GALNT13: variants seen among roughly 807,000 people sequenced by gnomAD.
The protein encoded by GALNT13 is UDP-GalNAc:polypeptide N-acetylgalactosaminyltransferase 13.
GALNT13 carries 28 observed loss-of-function variants against 64.2 expected under a neutral mutation model. The ratio of observed to expected loss-of-function variants is 0.44; its 90% CI spans 0.32 to 0.60. The LOEUF (loss-of-function observed/expected upper bound fraction) is 0.60, where lower values mean the gene tolerates loss of function less well. Among genes scored for constraint, GALNT13 ranks in the 20% least tolerant of loss-of-function variants. The probability of loss-of-function intolerance (pLI) is 0.05; values close to 1 mark genes in which losing one functional copy is unlikely to be tolerated. For missense variants in GALNT13, 577 were observed against 669.8 expected (o/e 0.86, Z 1.53); for synonymous variants, 214 against 224.6 (o/e 0.95, Z 0.42).
At position 154,450,491 on chromosome 2, in the gene GALNT13, G is replaced by A. The variant is rs1474983414; in HGVS notation, c.1611G>A (p.Gln537=). 1 of 1,612,634 alleles carries A rather than the reference G, an allele frequency of 6.2e-7. No homozygotes were observed. Among genetic ancestry groups the A allele is most frequent in the Non-Finnish European group, 8.5e-7 (1 of 1,179,160 alleles). The change falls in exon 13 of 13, where the codon CAG becomes CAA. Residue 537 remains glutamine, a synonymous_variant. Transcript: ENST00000392825. ...AAGACAAAATGGTGCCTACAATGCA[G>A]GACTGTAGTGGAAGCAGATCCCAAC... The part of the protein sequence containing the change: ...SEEDKMVPTM[Q]DCSGSRSQQW...
the GALNT13 span, among the ~76,000 whole-genome samples, chr2:153,721,395 T>A: frequency 2.2e-5 from 3 of 135,032 alleles, no homozygotes; most frequent in East Asian, 2.1e-4. Flanking sequence ...AGGAAGAAAC[T>A]GCATCAACTA....
At chr2:153,694,274 CG>C in the GALNT13 span, among the ~76,000 whole-genome samples, 1 of 151,996 alleles carries the variant, frequency 6.6e-6, no homozygotes, top group Non-Finnish European at 1.5e-5. Context: ...ACAAGGAGGC[CG>C]TATGCATAGG....
At chr2:153,102,212 CTCTG>C in the GALNT13 span, among the ~76,000 whole-genome samples, 13 of 152,214 alleles carry the variant, frequency 8.5e-5, no homozygotes. Flanking sequence ...ATCTCCCTCT[CTCTG>C]TCTTTGTCTC....
At chr2:153,929,798 G>T (rs913512832) in intron 2 of GALNT13, among the ~76,000 whole-genome samples, 1 of 152,102 alleles carries the variant, frequency 6.6e-6, no homozygotes, top group Non-Finnish European at 1.5e-5. Context: ...GAGTAGTGCT[G>T]CAATGAACAT....
the GALNT13 span, among the ~76,000 whole-genome samples, chr2:153,525,972 G>T: frequency 6.6e-6 from 1 of 152,230 alleles, no homozygotes. Context: ...TCTGCCTTTA[G>T]AAAAGGGAGG....
the GALNT13 span, among the ~76,000 whole-genome samples, chr2:153,183,249 A>C: frequency 6.6e-6 from 1 of 152,110 alleles, no homozygotes; most frequent in Admixed American, 6.5e-5. Flanking sequence ...CTTTTTTGTC[A>C]TATGTTTGTT....
intron 3 of GALNT13, among the ~76,000 whole-genome samples, chr2:154,012,005 T>G (rs1213336277): frequency 6.6e-6 from 1 of 152,178 alleles, no homozygotes; most frequent in Non-Finnish European, 1.5e-5. Context: ...GTTGGGTGTT[T>G]ATTTTTTATC....
chr2:153,118,357 C>T, the GALNT13 span, among the ~76,000 whole-genome samples: 1 of 152,178 alleles, frequency 6.6e-6, no homozygotes, highest in Non-Finnish European at 1.5e-5. Flanking sequence ...CCCAGGGCAA[C>T]CATCACCCCT....
At chr2:153,191,587 A>G in the GALNT13 span, among the ~76,000 whole-genome samples, 7 of 152,042 alleles carry the variant, frequency 4.6e-5, no homozygotes, top group Non-Finnish European at 1.0e-4. Context: ...TCATAGAATG[A>G]GTTACAAAGT....
chr2:154,314,309 G>A (rs16836472), intron 9 of GALNT13, among the ~76,000 whole-genome samples: 5,910 of 152,106 alleles, frequency 0.039, 386 homozygotes, highest in African/African-American at 0.14. Context: ...CTGACACTTA[G>A]TAGCAGTCAT....
chr2:154,418,631 G>A (rs1253255031), intron 11 of GALNT13, among the ~76,000 whole-genome samples: 1 of 152,090 alleles, frequency 6.6e-6, no homozygotes, highest in Non-Finnish European at 1.5e-5. Flanking sequence ...CAGTAAAACT[G>A]ATTTTGGACT....
the GALNT13 span, among the ~76,000 whole-genome samples, chr2:153,156,778 T>G: frequency 6.6e-6 from 1 of 152,232 alleles, no homozygotes; most frequent in Non-Finnish European, 1.5e-5. Context: ...GCAGCTCTAC[T>G]GCAGAATGAG....
At chr2:154,359,803 T>C (rs1696958675) in intron 9 of GALNT13, among the ~76,000 whole-genome samples, 1 of 152,100 alleles carries the variant, frequency 6.6e-6, no homozygotes, top group South Asian at 2.1e-4. Context: ...AGCAGATGGG[T>C]ATGTAAAGGT....
At chr2:153,254,316 C>A in the GALNT13 span, among the ~76,000 whole-genome samples, 146 of 133,598 alleles carry the variant, frequency 1.1e-3, 2 homozygotes, top group African/African-American at 3.9e-3. Flanking sequence ...GTGGTGATAT[C>A]CCCTTTATCA....
At chr2:153,779,153 C>T in the GALNT13 span, among the ~76,000 whole-genome samples, 1 of 151,992 alleles carries the variant, frequency 6.6e-6, no homozygotes, top group Admixed American at 6.6e-5. Context: ...GAGATGGGCA[C>T]ATATCCAGGA....
chr2:153,883,730 T>C (rs1363262167), intron 1 of GALNT13, among the ~76,000 whole-genome samples: 1 of 151,860 alleles, frequency 6.6e-6, no homozygotes, highest in African/African-American at 2.4e-5. Context: ...TTAAGGAGTA[T>C]TTAAAAAGAC....
intron 3 of GALNT13, among the ~76,000 whole-genome samples, chr2:153,996,043 G>T (rs1206716564): frequency 6.6e-6 from 1 of 152,138 alleles, no homozygotes. Context: ...ATTCCAGTGT[G>T]TAAATACCAC....
chr2:154,128,754 A>C (rs1682445165), intron 3 of GALNT13, among the ~76,000 whole-genome samples: 1 of 152,104 alleles, frequency 6.6e-6, no homozygotes, highest in African/African-American at 2.4e-5. Context: ...AAAATTATCA[A>C]AATGCTCCAA....
chr2:153,778,286 C>T, the GALNT13 span, among the ~76,000 whole-genome samples: 1 of 152,174 alleles, frequency 6.6e-6, no homozygotes, highest in Non-Finnish European at 1.5e-5. Flanking sequence ...AGGATGGGGG[C>T]ATGGCAGGCC....
Sources: gnomAD v4.1 joint callset for allele counts (sites outside exome capture counted in the v4.1 genomes callset) on GRCh38, gnomAD v4.1.1 for gene constraint, MANE v1.5 for transcripts, NCBI Gene and HGNC (gene_info 2026-07-23, HGNC 2026-07-21) for gene names.